Variants in PPFIA2 observed in about 807,000 individuals in gnomAD.
PPFIA2 encodes the protein liprin-alpha-2.
PPFIA2 carries 46 observed loss-of-function variants against 175.5 expected under a neutral mutation model. That is an observed-to-expected ratio of 0.26 (90% CI 0.21 to 0.34). PPFIA2 has a LOEUF of 0.34. Ranked by LOEUF, PPFIA2 falls within the 10% of genes least tolerant of loss-of-function variation. The probability of loss-of-function intolerance (pLI) is 1.00; values close to 1 mark genes in which losing one functional copy is unlikely to be tolerated. For synonymous variants in PPFIA2, 568 were observed against 511.4 expected, an observed-to-expected ratio of 1.11 and a Z score of -1.49; for missense variants, 1,179 against 1,506.1, an observed-to-expected ratio of 0.78 and a Z score of 3.60.
At chr12:81,583,485 T>C (rs917198349) in intron 4 of PPFIA2, among the ~76,000 whole-genome samples, 1 of 151,880 alleles carries the variant, frequency 6.6e-6, no homozygotes, top group African/African-American at 2.4e-5. Flanking sequence ...TCAGAGAAAA[T>C]ACATATTTTC....
intron 4 of PPFIA2, among the ~76,000 whole-genome samples, chr12:81,611,642 C>T (rs543765733): frequency 3.5e-4 from 53 of 152,074 alleles, no homozygotes; most frequent in African/African-American, 1.1e-3. Flanking sequence ...AGATGTGCCC[C>T]GGTCACATCT....
rs5799531 is a variant in PPFIA2 at position 81,493,754 on chromosome 12, CTATATATATA to C, written c.304-35898_304-35889del. On this transcript the variant is annotated intron_variant, in intron 4 of 32. Coordinates refer to ENST00000549396, the MANE Select transcript of PPFIA2 (RefSeq NM_003625.5). ...TTTGTGTGTGTGTGTGTGTGTGTGTCTATATATATATATATATATATATATATATATATAC... is the reference window on the plus strand; with the variant it reads ...TTTGTGTGTGTGTGTGTGTGTGTGTCTATATATATATATATATATATATAC... Among the ~76,000 whole-genome samples the C allele has an allele frequency of 1.1e-3, 116 of 102,102 alleles. 2 individuals carry two copies. The highest frequency in any genetic ancestry group is 2.7e-3 in the Admixed American group (27 of 9,958). The allele number at this position is 102,102 out of a possible 152,430, so 67.0% of individuals were successfully genotyped here.
chr12:81,724,294 T>C (rs2079735694), intron 3 of PPFIA2, among the ~76,000 whole-genome samples: 2 of 151,166 alleles, frequency 1.3e-5, no homozygotes, highest in Admixed American at 6.6e-5. Context: ...TGTTATTAAA[T>C]TGCTTATGTA....
chr12:81,645,034 TAAAG>T (rs1416894045), intron 4 of PPFIA2, among the ~76,000 whole-genome samples: 3 of 151,916 alleles, frequency 2.0e-5, no homozygotes, highest in Non-Finnish European at 4.4e-5. Flanking sequence ...TCTCTGGAAA[TAAAG>T]AAAAGCTAGA....
chr12:81,638,677 A>ATTTTTT (rs1287049321), intron 4 of PPFIA2, among the ~76,000 whole-genome samples: 1 of 97,772 alleles, frequency 1.0e-5, no homozygotes, highest in African/African-American at 5.0e-5. Flanking sequence ...TTTGTCATAA[A>ATTTTTT]TTTTCTTTTT....
intron 4 of PPFIA2, among the ~76,000 whole-genome samples, chr12:81,534,801 G>A (rs1217121730): frequency 1.3e-5 from 2 of 151,704 alleles, no homozygotes; most frequent in East Asian, 3.9e-4. Context: ...GAGGAGGGAA[G>A]CAAGAAGATG....
chr12:81,469,850 C>T (rs10862314), intron 4 of PPFIA2, among the ~76,000 whole-genome samples: 44,976 of 151,986 alleles, frequency 0.3, 7,235 homozygotes, highest in African/African-American at 0.42. Flanking sequence ...GAGTGTAGTG[C>T]TCTCCAGCTG....
intron 7 of PPFIA2, among the ~76,000 whole-genome samples, chr12:81,407,224 C>T (rs1489429206): frequency 6.6e-6 from 1 of 152,180 alleles, no homozygotes; most frequent in Admixed American, 6.6e-5. Context: ...GCAGCTCACG[C>T]CTGTAATCTC....
chr12:81,449,449 TG>T (rs926306486), intron 5 of PPFIA2, among the ~76,000 whole-genome samples: 1 of 151,108 alleles, frequency 6.6e-6, no homozygotes, highest in African/African-American at 2.4e-5. Context: ...ACCGAGTTTT[TG>T]CTTACAGTCA....
chr12:81,271,060 A>T (rs1319536247), intron 28 of PPFIA2, among the ~76,000 whole-genome samples: 1 of 152,108 alleles, frequency 6.6e-6, no homozygotes, highest in South Asian at 2.1e-4. Context: ...CTATGTTCTT[A>T]TATTGAAAGT....
chr12:81,691,156 C>T (rs1269159619), intron 3 of PPFIA2, among the ~76,000 whole-genome samples: 1 of 152,132 alleles, frequency 6.6e-6, no homozygotes, highest in Non-Finnish European at 1.5e-5. Flanking sequence ...TTAGAACAGG[C>T]TTGGCCTGAA....
chr12:81,268,563 T>G lies in PPFIA2; in HGVS notation c.3311-476A>C, dbSNP rs559830446. Among the ~76,000 whole-genome samples the G allele has an allele frequency of 5.7e-4, 87 of 152,388 alleles. 3 individuals are homozygous for G. The South Asian group carries it at 0.017, about 30-fold the overall frequency. On this transcript the variant is annotated intron_variant, in intron 28 of 32. Coordinates refer to ENST00000549396, the MANE Select transcript of PPFIA2 (RefSeq NM_003625.5). ...CTTCATTTGTGTGTAGTTACTGTTTTAATAATTAATCTTTTCGAGTCTCTA... is the reference window on the plus strand; with the variant it reads ...CTTCATTTGTGTGTAGTTACTGTTTGAATAATTAATCTTTTCGAGTCTCTA...
At chr12:81,304,111 T>A (rs1230859448) in intron 22 of PPFIA2, among the ~76,000 whole-genome samples, 1 of 152,180 alleles carries the variant, frequency 6.6e-6, no homozygotes, top group Non-Finnish European at 1.5e-5. Context: ...AATGCTTCCT[T>A]TCTATATCCA....
At chr12:81,402,290 C>T (rs1292188089) in intron 8 of PPFIA2, among the ~76,000 whole-genome samples, 2 of 151,910 alleles carry the variant, frequency 1.3e-5, no homozygotes, top group Non-Finnish European at 2.9e-5. Flanking sequence ...GATAATCTGC[C>T]AAAATAATAA....
At chr12:81,321,160 CA>C (rs1594771775) in intron 22 of PPFIA2, among the ~76,000 whole-genome samples, 1 of 151,846 alleles carries the variant, frequency 6.6e-6, no homozygotes, top group Non-Finnish European at 1.5e-5. Flanking sequence ...GCCATAACTT[CA>C]AAGGTCTGAG....
intron 7 of PPFIA2, among the ~76,000 whole-genome samples, chr12:81,434,932 C>G (rs1312838274): frequency 6.6e-6 from 1 of 152,020 alleles, no homozygotes; most frequent in Non-Finnish European, 1.5e-5. Flanking sequence ...GCACTTATAT[C>G]TAAAACTTTT....
At chr12:81,421,162 G>A (rs1214630255) in intron 7 of PPFIA2, among the ~76,000 whole-genome samples, 1 of 152,068 alleles carries the variant, frequency 6.6e-6, no homozygotes, top group East Asian at 1.9e-4. Flanking sequence ...TAAAAGAAAT[G>A]CACAAGGAAG....
chr12:81,264,634 TATTA>T (rs2036647711), intron 30 of PPFIA2, among the ~76,000 whole-genome samples: 3 of 152,338 alleles, frequency 2.0e-5, no homozygotes, highest in East Asian at 1.9e-4. Context: ...TAGACTGCTA[TATTA>T]ATTAAGGGAC....
intron 3 of PPFIA2, among the ~76,000 whole-genome samples, chr12:81,742,530 TATTA>T (rs1345485993): frequency 6.6e-6 from 1 of 152,236 alleles, no homozygotes; most frequent in Non-Finnish European, 1.5e-5. Flanking sequence ...TTGATGTTGC[TATTA>T]ATTGAGATGT....
Sources: gnomAD v4.1 joint callset for allele counts (sites outside exome capture counted in the v4.1 genomes callset) on GRCh38, gnomAD v4.1.1 for gene constraint, MANE v1.5 for transcripts, NCBI Gene and HGNC (gene_info 2026-07-23, HGNC 2026-07-21) for gene names.